CCSER1: variants seen among roughly 807,000 people sequenced by gnomAD.
The protein encoded by CCSER1 is serine-rich coiled-coil domain-containing protein 1.
A neutral mutation model predicts 82.0 loss-of-function variants in CCSER1; 41 were observed. The ratio of observed to expected loss-of-function variants is 0.50; its 90% confidence interval spans 0.39 to 0.65. CCSER1 has a LOEUF of 0.65. CCSER1 is among the 30% of genes least tolerant of loss of function. CCSER1 has a pLI of 0.00. For missense variants in CCSER1, 1,119 were observed against 1,064.2 expected, an observed-to-expected ratio of 1.05 and a Z score of -0.72; for synonymous variants, 414 against 383.9, an observed-to-expected ratio of 1.08 and a Z score of -0.92.
chr4:90,949,934 G>A (rs1251138832), intron 9 of CCSER1, among the ~76,000 whole-genome samples: 1 of 152,104 alleles, frequency 6.6e-6, no homozygotes, highest in Non-Finnish European at 1.5e-5. Context: ...CTTGCCTGCT[G>A]TCACAATAAG....
At chr4:90,631,990 A>T (rs1032556086) in intron 6 of CCSER1, among the ~76,000 whole-genome samples, 4 of 152,152 alleles carry the variant, frequency 2.6e-5, no homozygotes, top group African/African-American at 9.7e-5. Flanking sequence ...GAAAAAATTC[A>T]AAAAACACTT....
chr4:91,485,726 G>T (rs954399939), intron 10 of CCSER1, among the ~76,000 whole-genome samples: 2 of 152,016 alleles, frequency 1.3e-5, no homozygotes, highest in African/African-American at 2.4e-5. Flanking sequence ...TCTAGTACAG[G>T]CAGAAATTCT....
In CCSER1 at chr4:90,153,142, A is replaced by T. The variant is rs527529044; in HGVS notation, c.-42+25311A>T. The stretch of plus-strand genomic sequence containing the variant: ...TGAGTGAGAATATGCGGTGTTTGGT[A>T]TTTTGTTCTTGAGATAGTTTACTGA... On this transcript the variant is annotated intron_variant, in intron 1 of 10. Coordinates refer to ENST00000509176, the MANE Select transcript of CCSER1 (RefSeq NM_001145065.2). Among the ~76,000 whole-genome samples, 6 of 145,364 alleles carry T rather than the reference A, an allele frequency of 4.1e-5. No homozygotes were observed. In the South Asian group the frequency reaches 1.1e-3, roughly 26 times the overall value.
At chr4:91,463,453 T>C (rs1756638539) in intron 10 of CCSER1, among the ~76,000 whole-genome samples, 1 of 152,082 alleles carries the variant, frequency 6.6e-6, no homozygotes, top group Non-Finnish European at 1.5e-5. Flanking sequence ...AGAGCACCTC[T>C]CCTCCTCCAA....
chr4:90,775,912 TGTG>T (rs1752830037), intron 7 of CCSER1, among the ~76,000 whole-genome samples: 1 of 151,644 alleles, frequency 6.6e-6, no homozygotes, highest in Non-Finnish European at 1.5e-5. Flanking sequence ...AGTTGCCATG[TGTG>T]TGAAGGAGAG....
At chr4:90,450,025 C>T (rs959812991) in intron 4 of CCSER1, among the ~76,000 whole-genome samples, 1 of 152,216 alleles carries the variant, frequency 6.6e-6, no homozygotes, top group African/African-American at 2.4e-5. Flanking sequence ...CTATCAATCC[C>T]CCTTCTGAAG....
Position 91,011,547 on chromosome 4 carries a change from C to T in CCSER1, c.2173-74403C>T, listed in dbSNP as rs1739005683. Among the ~76,000 whole-genome samples, 2 of 134,220 alleles carry T rather than the reference C, an allele frequency of 1.5e-5. 1 individual carries two copies. The highest frequency in any genetic ancestry group is 1.5e-4 in the Admixed American group (2 of 13,526). The allele number at this position is 134,220 out of a possible 152,430, so 88.1% of individuals were successfully genotyped here. On this transcript the variant is annotated intron_variant, in intron 9 of 10. Transcript: ENST00000509176. ...GTTGAATGTAGATTCTTCACAGAGC[C>T]AAAGTCTCTGACTCTAAGGCACCCC... is the stretch of plus-strand genomic sequence containing the variant.
chr4:90,222,144 G>T (rs1742267734), intron 1 of CCSER1, among the ~76,000 whole-genome samples: 1 of 152,040 alleles, frequency 6.6e-6, no homozygotes, highest in Non-Finnish European at 1.5e-5. Flanking sequence ...GGGCAACTCT[G>T]GTTTAAAGAC....
chr4:91,091,697 G>A lies in CCSER1; in HGVS notation c.2217+5703G>A, dbSNP rs577231242. Reference sequence around the variant, plus strand: ...TGGCCTCCCAGGTTCCAGTGGCTGCGGGCTTTATGTGGCTGTGGTGAATCC... The same window carrying A: ...TGGCCTCCCAGGTTCCAGTGGCTGCAGGCTTTATGTGGCTGTGGTGAATCC... On this transcript the variant is annotated intron_variant, in intron 10 of 10. Coordinates refer to ENST00000509176, the MANE Select transcript of CCSER1 (RefSeq NM_001145065.2). Among the ~76,000 whole-genome samples, 32 of 152,258 alleles carry A rather than the reference G, an allele frequency of 2.1e-4. No homozygotes were observed. In the South Asian group the frequency reaches 2.3e-3, roughly 11 times the overall value.
intron 9 of CCSER1, among the ~76,000 whole-genome samples, chr4:90,991,984 T>TA (rs1327568875): frequency 6.6e-6 from 1 of 152,068 alleles, no homozygotes; most frequent in African/African-American, 2.4e-5. Flanking sequence ...CCTTACTTGT[T>TA]ACTTTTATTG....
intron 1 of CCSER1, among the ~76,000 whole-genome samples, chr4:90,176,254 G>A (rs1732639128): frequency 6.6e-6 from 1 of 152,012 alleles, no homozygotes; most frequent in Admixed American, 6.6e-5. Flanking sequence ...CTCAGGTCAA[G>A]TGAATTCAGG....
At chr4:90,326,948 A>C (rs908171071) in intron 3 of CCSER1, among the ~76,000 whole-genome samples, 1 of 152,298 alleles carries the variant, frequency 6.6e-6, no homozygotes, top group Admixed American at 6.5e-5. Context: ...AGGGAACCAT[A>C]GCCTATATAT....
chr4:91,487,381 C>T (rs527319637), intron 10 of CCSER1, among the ~76,000 whole-genome samples: 3 of 152,202 alleles, frequency 2.0e-5, no homozygotes, highest in African/African-American at 4.8e-5. Flanking sequence ...TCTTACTGCT[C>T]TTTTGTTGTG....
At chr4:90,244,267 G>A (rs1477312068) in intron 1 of CCSER1, among the ~76,000 whole-genome samples, 1 of 152,192 alleles carries the variant, frequency 6.6e-6, no homozygotes, top group Non-Finnish European at 1.5e-5. Context: ...ATGGACTCAT[G>A]GAGTTTCTAA....
intron 4 of CCSER1, among the ~76,000 whole-genome samples, chr4:90,422,454 G>T (rs1756843005): frequency 6.6e-6 from 1 of 152,046 alleles, no homozygotes; most frequent in African/African-American, 2.4e-5. Flanking sequence ...AATTATCCAA[G>T]CATGGTGGCA....
chr4:90,699,918 G>A (rs963113819), intron 6 of CCSER1, among the ~76,000 whole-genome samples: 14 of 151,898 alleles, frequency 9.2e-5, no homozygotes, highest in African/African-American at 2.2e-4. Flanking sequence ...AGCAGGCACC[G>A]TCTATGAGCC....
At chr4:91,013,439 T>C (rs1333068393) in intron 9 of CCSER1, among the ~76,000 whole-genome samples, 1 of 133,272 alleles carries the variant, frequency 7.5e-6, no homozygotes, top group Admixed American at 7.5e-5. Flanking sequence ...TCTGTCTTTA[T>C]GCCAGTACCA....
intron 10 of CCSER1, among the ~76,000 whole-genome samples, chr4:91,304,260 A>G (rs1392358535): frequency 1.3e-5 from 2 of 152,262 alleles, no homozygotes; most frequent in East Asian, 3.9e-4. Context: ...TGTTTAAAAG[A>G]TAACAAAACC....
At chr4:91,334,604 G>A (rs1009835608) in intron 10 of CCSER1, among the ~76,000 whole-genome samples, 2 of 151,862 alleles carry the variant, frequency 1.3e-5, no homozygotes, top group Admixed American at 6.6e-5. Context: ...ATAAAACATG[G>A]TGGTAGAGAA....
Sources: allele counts gnomAD v4.1 joint callset (sites outside exome capture counted in the v4.1 genomes callset), GRCh38; gene constraint gnomAD v4.1.1; transcripts MANE v1.5; gene names NCBI Gene and HGNC (gene_info 2026-07-23, HGNC 2026-07-21).